ITGAL: variants seen among roughly 807,000 people sequenced by gnomAD.
ITGAL encodes the protein integrin alpha-L.
Under a neutral mutation model 138.4 loss-of-function variants are expected in ITGAL, and 68 were observed. The observed-to-expected ratio is 0.49, with a 90% CI of 0.40 to 0.60. The LOEUF (loss-of-function observed/expected upper bound fraction) is 0.60. ITGAL is among the 20% of genes least tolerant of loss of function. The probability of loss-of-function intolerance (pLI) is 0.00; values close to 1 mark genes in which losing one functional copy is unlikely to be tolerated. For synonymous variants in ITGAL, 561 were observed against 584.3 expected (o/e 0.96, Z 0.57); for missense variants, 1,256 against 1,478.6 (o/e 0.85, Z 2.47).
chr16:30,521,134 C>T lies in ITGAL; in HGVS notation c.3340-358C>T, dbSNP rs145703213. On this transcript the variant is annotated intron_variant, in intron 30 of 30. Transcript: ENST00000356798. ...TAAAATAAAGTGTTCTCGCTGGGCT[C>T]GGGGACTCATGCCTGTAATCCCAGC... is the stretch of plus-strand genomic sequence containing the variant. Among the ~76,000 whole-genome samples, 44 of 151,668 alleles carry T rather than the reference C, an allele frequency of 2.9e-4. No homozygotes were observed. In the East Asian group the frequency reaches 7.4e-3, roughly 26 times the overall value.
At chr16:30,474,415 G>A in intron 2 of ITGAL, 117 bp downstream of exon 2, 1 of 689,138 alleles carries the variant, frequency 1.5e-6, no homozygotes, top group Non-Finnish European at 2.6e-6. Flanking sequence ...AGCTCTCCAG[G>A]GGTTCCCGTC....
At chr16:30,477,604 T>G (rs1051690731) in intron 4 of ITGAL, among the ~76,000 whole-genome samples, 35 of 151,702 alleles carry the variant, frequency 2.3e-4, no homozygotes, top group Admixed American at 2.3e-3. Context: ...TTGAAGAAAT[T>G]GCAATCTGGC....
intron 26 of ITGAL, among the ~76,000 whole-genome samples, chr16:30,517,363 C>T (rs185852374): frequency 1.1e-4 from 17 of 152,042 alleles, no homozygotes; most frequent in Middle Eastern, 3.4e-3. Flanking sequence ...GAGGCAGAGG[C>T]GGGAGGATCA....
chr16:30,512,808 C>T (rs1185770469), intron 24 of ITGAL, among the ~76,000 whole-genome samples: 1 of 152,058 alleles, frequency 6.6e-6, no homozygotes, highest in Non-Finnish European at 1.5e-5. Flanking sequence ...TCAAGCAATT[C>T]TCCTGCCTCA....
At chr16:30,495,046 C>T (rs2050779946) in intron 13 of ITGAL, among the ~76,000 whole-genome samples, 196 bp downstream of exon 13, 1 of 152,156 alleles carries the variant, frequency 6.6e-6, no homozygotes, top group Admixed American at 6.6e-5. Flanking sequence ...TCTTTTGAGA[C>T]AGAGTCTCGC....
At chr16:30,517,938 C>G in intron 28 of ITGAL, 43 bp downstream of exon 28, 3 of 1,562,912 alleles carry the variant, frequency 1.9e-6, no homozygotes, top group Non-Finnish European at 8.8e-7. Flanking sequence ...TGTGGGGGCC[C>G]CAATGCCTGG....
intron 30 of ITGAL, 71 bp downstream of exon 30, chr16:30,520,038 G>A: frequency 1.7e-6 from 2 of 1,182,592 alleles, no homozygotes; most frequent in South Asian, 1.3e-5. Flanking sequence ...GTGGGAGCCA[G>A]GGAGGAGAAT....
chr16:30,508,304 C>T (rs1238808217), intron 21 of ITGAL, among the ~76,000 whole-genome samples: 1 of 151,172 alleles, frequency 6.6e-6, no homozygotes, highest in African/African-American at 2.4e-5. Flanking sequence ...ACCTCCGCCT[C>T]CCAGGTTCAA....
At chr16:30,481,963 C>T (rs999169381) in intron 7 of ITGAL, among the ~76,000 whole-genome samples, 3 of 152,156 alleles carry the variant, frequency 2.0e-5, no homozygotes, top group Non-Finnish European at 2.9e-5. Flanking sequence ...ATGATCTCGG[C>T]TCACTGCAAC....
chr16:30,490,944 T>C (rs919540924), intron 11 of ITGAL, among the ~76,000 whole-genome samples: 20 of 147,712 alleles, frequency 1.4e-4, no homozygotes, highest in Admixed American at 2.8e-4. Flanking sequence ...CACTCCAGCC[T>C]GGGTGACAGA....
rs141268640 is a variant in ITGAL, at chr16:30,489,122, G to A, written c.1047G>A (p.Leu349=). 1.1e-5 allele frequency: 18 copies of A among 1,613,922 alleles called. No individual in the cohort carries two copies. Among genetic ancestry groups the A allele is most frequent in the Non-Finnish European group, 1.4e-5 (16 of 1,180,048 alleles). Reference sequence around the variant, plus strand: ...ACCTGACTTCCTTCAACATGGAGCTGTCCTCCAGCGGCATCAGTGCTGACC... The same window carrying A: ...ACCTGACTTCCTTCAACATGGAGCTATCCTCCAGCGGCATCAGTGCTGACC... The part of the protein sequence containing the change: ...KQDLTSFNME[L]SSSGISADLS... Residue 349 remains leucine (L), a synonymous_variant, in exon 10 of 31, where the codon CTG becomes CTA. Coordinates refer to ENST00000356798, the MANE Select transcript of ITGAL (RefSeq NM_002209.3).
At chr16:30,517,592 C>T in intron 26 of ITGAL, 57 bp from the exon 27 acceptor site, 1 of 1,444,358 alleles carries the variant, frequency 6.9e-7, no homozygotes, top group Non-Finnish European at 9.7e-7. Flanking sequence ...AGCTGGGATG[C>T]CAGTGTCTTA....
At chr16:30,520,812 C>T (rs1433354713) in intron 30 of ITGAL, among the ~76,000 whole-genome samples, 2 of 152,154 alleles carry the variant, frequency 1.3e-5, no homozygotes, top group African/African-American at 4.8e-5. Flanking sequence ...AGGCCGGGTA[C>T]GGTGGCTCAC....
chr16:30,486,859 G>T (rs1199028412), intron 9 of ITGAL, among the ~76,000 whole-genome samples: 2 of 152,078 alleles, frequency 1.3e-5, no homozygotes, highest in Non-Finnish European at 2.9e-5. Context: ...GCAGTAGTGC[G>T]ATCACGGCTC....
rs1036495335 is a variant in ITGAL, at chr16:30,510,951, A to T, written c.2690A>T (p.Asn897Ile). 1.2e-6 allele frequency: 2 copies of T among 1,613,996 alleles called. No individual in the cohort carries two copies. Among genetic ancestry groups the T allele is most frequent in the Admixed American group, 3.3e-5 (2 of 60,006 alleles). ...SWGDSVELHA[N>I]VTCNNEDSDL... The stretch of plus-strand genomic sequence containing the variant: ...GGGGACTCGGTTGAATTGCACGCCA[A>T]TGTGACCTGGTGAGCAGGCCCCGCC... The change falls in exon 23 of 31, where the codon AAT (asparagine) becomes ATT (isoleucine). Residue 897 changes from asparagine (N) to isoleucine (I), a missense_variant. Transcript: ENST00000356798.
At chr16:30,486,173 T>C (rs1233051428) in intron 9 of ITGAL, among the ~76,000 whole-genome samples, 1 of 152,164 alleles carries the variant, frequency 6.6e-6, no homozygotes, top group Non-Finnish European at 1.5e-5. Flanking sequence ...AAAGTCTCCT[T>C]TGCTAGGACA....
chr16:30,502,352 G>T (rs1182739614), intron 17 of ITGAL, among the ~76,000 whole-genome samples: 1 of 139,408 alleles, frequency 7.2e-6, no homozygotes, highest in Non-Finnish European at 1.5e-5. Flanking sequence ...AGCCGAGATC[G>T]CGCCCCTGCA....
intron 15 of ITGAL, among the ~76,000 whole-genome samples, chr16:30,497,695 T>C (rs2050822762): frequency 6.6e-6 from 1 of 151,616 alleles, no homozygotes; most frequent in South Asian, 2.1e-4. Context: ...GCCAGGCTGG[T>C]TTTGAACTCC....
intron 20 of ITGAL, among the ~76,000 whole-genome samples, chr16:30,506,182 T>C (rs1316619167): frequency 6.7e-6 from 1 of 149,566 alleles, no homozygotes. Context: ...ATTGCTTGAA[T>C]TCTGGAGGTG....
Sources: allele counts gnomAD v4.1 joint callset (sites outside exome capture counted in the v4.1 genomes callset), GRCh38; gene constraint gnomAD v4.1.1; transcripts MANE v1.5; gene names NCBI Gene and HGNC (gene_info 2026-07-23, HGNC 2026-07-21).